Variants in HMCN1 observed in about 807,000 individuals in gnomAD.
HMCN1 encodes hemicentin 1.
A neutral mutation model predicts 625.9 loss-of-function variants in HMCN1; 321 were observed. The observed-to-expected ratio is 0.51, with a 90% CI of 0.47 to 0.56. The LOEUF (loss-of-function observed/expected upper bound fraction) is 0.56, where lower values mean the gene tolerates loss of function less well. HMCN1 is among the 20% of genes least tolerant of loss of function. The pLI, the probability that HMCN1 is intolerant of heterozygous loss-of-function variation, is 0.00. For missense variants in HMCN1, 6,588 were observed against 6,887.3 expected, an observed-to-expected ratio of 0.96 and a Z score of 1.54; for synonymous variants, 2,425 against 2,417.6, an observed-to-expected ratio of 1.00 and a Z score of -0.09.
At chr1:185,819,739 G>T (rs1047436355) in intron 1 of HMCN1, among the ~76,000 whole-genome samples, 1 of 152,094 alleles carries the variant, frequency 6.6e-6, no homozygotes, top group Non-Finnish European at 1.5e-5. Flanking sequence ...ATAAGAAATT[G>T]CCCCAAATAT....
intron 4 of HMCN1, among the ~76,000 whole-genome samples, chr1:185,907,811 T>C (rs946211796): frequency 1.3e-5 from 2 of 151,968 alleles, no homozygotes; most frequent in Admixed American, 6.6e-5. Context: ...CATTACCATG[T>C]GGAAGTACTG....
rs1657053486 is a variant in HMCN1, at chr1:186,052,873, G to A, written c.6578-79G>A. The stretch of plus-strand genomic sequence containing the variant: ...TCTTCCTTATGTCATTTGAGTAGAA[G>A]CCTTTTATCTTACATGTAAACTGTT... On this transcript the variant is annotated intron_variant, in intron 42 of 106. Transcript: ENST00000271588. The A allele has an allele frequency of 1.5e-5, 18 of 1,201,624 alleles. No individual in the cohort carries two copies. In the South Asian group the frequency reaches 2.1e-4, roughly 14 times the overall value. 74.4% of individuals were successfully genotyped at this position (1,201,624 alleles called of 1,614,324 possible). A position where few individuals can be genotyped will look rare whatever the true frequency, so the allele number is the denominator to read the frequency against.
chr1:186,093,003 G>T, intron 64 of HMCN1, 131 bp from the exon 65 acceptor site: 2 of 1,154,012 alleles, frequency 1.7e-6, no homozygotes, highest in Middle Eastern at 2.7e-4. Context: ...TATGAGACTC[G>T]CTACTGTAGA....
Position 185,977,972 on chromosome 1 carries a change from T to G in HMCN1, c.2557T>G (p.Phe853Val), listed in dbSNP as rs766886354. 2 of 1,609,986 alleles carry G rather than the reference T, an allele frequency of 1.2e-6. No homozygotes were observed. Among genetic ancestry groups the G allele is most frequent in the Non-Finnish European group, 1.7e-6 (2 of 1,176,574 alleles). Residue 853 changes from phenylalanine (F) to valine (V), a missense_variant, in exon 16 of 107, where the codon TTT becomes GTT. Phe to Val is a conservative substitution (Grantham distance 50). This residue lies in a region of HMCN1 where 4,628 missense variants were observed against 4,853.1 expected (regional missense o/e 0.95). Coordinates refer to ENST00000271588, the MANE Select transcript of HMCN1 (RefSeq NM_031935.3). ...SISQLRTGAL[F>V]ILNLWASDKG... ...CAGCCAACTAAGAACAGGAGCTCTC[T>G]TTATTTTAAGTAGGTTGAAGGAAAT...
chr1:186,095,163 A>G lies in HMCN1; in HGVS notation c.10295-80A>G, dbSNP rs901838702. The G allele has an allele frequency of 3.7e-6, 5 of 1,358,052 alleles. No homozygotes were observed. The African/African-American group carries it at 4.3e-5, about 12-fold the overall frequency. 84.1% of individuals were successfully genotyped at this position (1,358,052 alleles called of 1,614,324 possible). On this transcript the variant is annotated intron_variant, in intron 67 of 106. Coordinates refer to ENST00000271588, the MANE Select transcript of HMCN1 (RefSeq NM_031935.3). ...TTTATCAACCACAGAAACATTATAG[A>G]ATTATTCAAATGTTTTAATTTAAAT...
intron 2 of HMCN1, among the ~76,000 whole-genome samples, chr1:185,856,747 A>G (rs1465160525): frequency 6.6e-6 from 1 of 152,200 alleles, no homozygotes; most frequent in Non-Finnish European, 1.5e-5. Flanking sequence ...TTCAATTTTT[A>G]TTGCTTAGAC....
At chr1:185,760,179 TGCA>T (rs1655400799) in intron 1 of HMCN1, among the ~76,000 whole-genome samples, 2 of 152,166 alleles carry the variant, frequency 1.3e-5, no homozygotes, top group Admixed American at 1.3e-4. Context: ...GGAGTTAGGG[TGCA>T]AAGTTGTATA....
chr1:185,823,983 G>C (rs907243797), intron 1 of HMCN1, among the ~76,000 whole-genome samples: 8 of 151,990 alleles, frequency 5.3e-5, no homozygotes, highest in African/African-American at 1.9e-4. Flanking sequence ...TGTTTATTTT[G>C]TCACCATCAT....
At chr1:185,845,298 A>G (rs1393915693) in intron 1 of HMCN1, among the ~76,000 whole-genome samples, 3 of 151,928 alleles carry the variant, frequency 2.0e-5, no homozygotes. Flanking sequence ...GCTCACTGCA[A>G]CCTCCACCTC....
At chr1:186,026,225 T>C (rs1336855994) in intron 36 of HMCN1, among the ~76,000 whole-genome samples, 1 of 152,218 alleles carries the variant, frequency 6.6e-6, no homozygotes, top group Non-Finnish European at 1.5e-5. Flanking sequence ...TGGTTGATGA[T>C]AGACTTCAAA....
chr1:185,880,936 G>A (rs893371349), intron 4 of HMCN1, among the ~76,000 whole-genome samples: 25 of 152,330 alleles, frequency 1.6e-4, no homozygotes, highest in African/African-American at 4.3e-4. Context: ...GAGGGAGCGC[G>A]CAGGTGAGCA....
chr1:185,862,981 T>C (rs1662964861), intron 2 of HMCN1, among the ~76,000 whole-genome samples: 2 of 152,184 alleles, frequency 1.3e-5, no homozygotes, highest in Non-Finnish European at 2.9e-5. Flanking sequence ...CTCCACTTCA[T>C]CCAGGCTAGC....
chr1:186,041,431 T>C lies in HMCN1; in HGVS notation c.6304+295T>C, dbSNP rs551587292. 7.9e-4 allele frequency among the ~76,000 whole-genome samples: 120 copies of C among 152,300 alleles called. No individual in the cohort carries two copies. In the Middle Eastern group the frequency reaches 0.01, roughly 13 times the overall value. On this transcript the variant is annotated intron_variant, in intron 40 of 106. Transcript: ENST00000271588. ...GCTCTGCCATTTAGAAGAGATAATC[T>C]TCTCATCACTGAAGCAAGTATCTGT...
intron 20 of HMCN1, 113 bp downstream of exon 20, chr1:185,987,657 TTAA>T: frequency 1.2e-6 from 1 of 801,666 alleles, no homozygotes; most frequent in Admixed American, 1.8e-5. Flanking sequence ...AGAAGATAAG[TTAA>T]TAAAGGATTT....
chr1:186,090,686 T>C (rs1327574098), intron 63 of HMCN1, 72 bp from the exon 64 acceptor site: 4 of 1,529,898 alleles, frequency 2.6e-6, no homozygotes, highest in Non-Finnish European at 3.6e-6. Context: ...TGTCATATTG[T>C]TTTATGACTC....
chr1:185,895,050 G>A (rs1167472053), intron 4 of HMCN1, among the ~76,000 whole-genome samples: 4 of 152,002 alleles, frequency 2.6e-5, no homozygotes, highest in South Asian at 2.1e-4. Flanking sequence ...CTGGGAGTTG[G>A]GGGTGACTTA....
At chr1:186,038,154 TG>T in intron 37 of HMCN1, 119 bp downstream of exon 37, 1 of 714,240 alleles carries the variant, frequency 1.4e-6, no homozygotes, top group South Asian at 1.6e-5. Flanking sequence ...ATACATTTCA[TG>T]GGTGAAACAT....
intron 1 of HMCN1, among the ~76,000 whole-genome samples, chr1:185,767,350 T>G (rs559788963): frequency 6.6e-6 from 1 of 152,318 alleles, no homozygotes; most frequent in Non-Finnish European, 1.5e-5. Context: ...TCATGAACAC[T>G]TGTGAATTTT....
At chr1:185,870,048 A>G (rs552103563) in intron 4 of HMCN1, among the ~76,000 whole-genome samples, 66 of 151,578 alleles carry the variant, frequency 4.4e-4, no homozygotes, top group African/African-American at 1.3e-3. Context: ...AAAAAAAACA[A>G]TGATTAAGTA....
Sources: gnomAD v4.1 joint callset for allele counts (sites outside exome capture counted in the v4.1 genomes callset) on GRCh38, gnomAD v4.1.1 for gene constraint, gnomAD v4.1.1 regional missense constraint, MANE v1.5 for transcripts, NCBI Gene and HGNC (gene_info 2026-07-23, HGNC 2026-07-21) for gene names.